NAV2: variants seen among roughly 807,000 people sequenced by gnomAD.
NAV2 encodes the protein helicase, APC down-regulated 1.
In NAV2, 54 loss-of-function variants were observed where a neutral mutation model predicts 223.2. The observed-to-expected ratio is 0.24, with a 90% CI of 0.19 to 0.30. The LOEUF (loss-of-function observed/expected upper bound fraction) is 0.30, where lower values mean the gene tolerates loss of function less well. Among genes scored for constraint, NAV2 ranks in the 10% least tolerant of loss-of-function variants. The probability of loss-of-function intolerance (pLI) is 1.00; values close to 1 mark genes in which losing one functional copy is unlikely to be tolerated. For missense variants in NAV2, 2,806 were observed against 3,147.5 expected, an observed-to-expected ratio of 0.89 and a Z score of 2.60; for synonymous variants, 1,279 against 1,239.3, an observed-to-expected ratio of 1.03 and a Z score of -0.67.
intron 1 of NAV2, among the ~76,000 whole-genome samples, chr11:19,526,292 C>T (rs996849908): frequency 6.6e-5 from 10 of 152,120 alleles, no homozygotes; most frequent in Admixed American, 4.6e-4. Flanking sequence ...TCAAAGAGGC[C>T]CCACAATGTT....
At chr11:19,519,590 A>T (rs1487181) in intron 1 of NAV2, among the ~76,000 whole-genome samples, 63,280 of 152,004 alleles carry the variant, frequency 0.42, 13,620 homozygotes, top group African/African-American at 0.51. Context: ...GCTGAATGAA[A>T]GAAGGAATGA....
chr11:20,113,197 C>G (rs1299717651), intron 36 of NAV2, among the ~76,000 whole-genome samples: 1 of 152,216 alleles, frequency 6.6e-6, no homozygotes, highest in Non-Finnish European at 1.5e-5. Flanking sequence ...GGCCTATTTC[C>G]TCATCTGTAA....
chr11:19,856,015 G>A (rs10833185), intron 3 of NAV2, among the ~76,000 whole-genome samples: 48,268 of 152,102 alleles, frequency 0.32, 7,772 homozygotes, highest in East Asian at 0.46. Context: ...TTCCTGATAT[G>A]TGGATATGTA....
chr11:19,728,265 C>A (rs904028270), intron 1 of NAV2, among the ~76,000 whole-genome samples: 25 of 152,186 alleles, frequency 1.6e-4, no homozygotes, highest in African/African-American at 5.8e-4. Context: ...TCTTTCTAGA[C>A]CCTCATTTAG....
rs1054015810 is a variant in NAV2 at position 19,843,885 on chromosome 11, T to C, written c.438+962T>C. Among the ~76,000 whole-genome samples the C allele has an allele frequency of 1.3e-5, 2 of 150,340 alleles. 1 individual carries two copies. The highest frequency in any genetic ancestry group is 3.0e-5 in the Non-Finnish European group (2 of 67,494). The stretch of plus-strand genomic sequence containing the variant: ...ATTGGCATTCCTTGGGCTTACTGTT[T>C]AGTTTTCTGAATTGTTATCCCAGTG... On this transcript the variant is annotated intron_variant, in intron 3 of 37. Coordinates refer to ENST00000349880, the MANE Select transcript of NAV2 (RefSeq NM_145117.5).
intron 1 of NAV2, among the ~76,000 whole-genome samples, chr11:19,418,146 C>G (rs1213997092): frequency 6.6e-6 from 1 of 152,146 alleles, no homozygotes; most frequent in Admixed American, 6.6e-5. Flanking sequence ...GGTGTCTTCT[C>G]TATGACTTTC....
intron 37 of NAV2, 130 bp from the exon 38 acceptor site, chr11:20,118,003 C>A: frequency 9.9e-7 from 1 of 1,009,302 alleles, no homozygotes; most frequent in Non-Finnish European, 1.5e-6. Context: ...AGTCCATGTT[C>A]TTGTCCACTG....
At chr11:19,650,707 G>A (rs2047946613) in intron 1 of NAV2, among the ~76,000 whole-genome samples, 1 of 152,182 alleles carries the variant, frequency 6.6e-6, no homozygotes, top group Admixed American at 6.5e-5. Flanking sequence ...TATGCAAATT[G>A]TGGTGTATTC....
intron 4 of NAV2, among the ~76,000 whole-genome samples, chr11:19,870,133 C>T (rs569945238): frequency 3.3e-5 from 5 of 152,236 alleles, no homozygotes; most frequent in South Asian, 2.1e-4. Context: ...TTCCAGAGTT[C>T]GCAGAAGCAG....
rs371125650 is a variant in NAV2, at chr11:19,911,275, C to G, written c.931+18681C>G. Reference sequence around the variant, plus strand: ...GTCTGGAAGGAGCATCCAATCCAATCTTGGAGGAGTCAGGAAGATATCCTG... The same window carrying G: ...GTCTGGAAGGAGCATCCAATCCAATGTTGGAGGAGTCAGGAAGATATCCTG... On this transcript the variant is annotated intron_variant, in intron 6 of 37. Transcript: ENST00000349880. Among the ~76,000 whole-genome samples the G allele has an allele frequency of 8.5e-5, 13 of 152,230 alleles. No individual in the cohort carries two copies. The East Asian group carries it at 2.1e-3, about 25-fold the overall frequency.
At chr11:19,718,616 C>T (rs182098522) in intron 1 of NAV2, among the ~76,000 whole-genome samples, 1 of 144,418 alleles carries the variant, frequency 6.9e-6, no homozygotes. Context: ...CATTTTTCTG[C>T]TATTGTGTTA....
chr11:19,575,228 G>T (rs1041522421), intron 1 of NAV2: 1 of 154,002 alleles, frequency 6.5e-6, no homozygotes. Flanking sequence ...AAATTAGAGG[G>T]GTTCTTAGCA....
At chr11:20,029,153 C>G (rs1206631037) in intron 11 of NAV2, among the ~76,000 whole-genome samples, 1 of 152,210 alleles carries the variant, frequency 6.6e-6, no homozygotes, top group Non-Finnish European at 1.5e-5. Context: ...TTTGTACCAA[C>G]TTTTCTCTGA....
At chr11:19,530,364 G>A (rs1244410158) in intron 1 of NAV2, among the ~76,000 whole-genome samples, 1 of 152,182 alleles carries the variant, frequency 6.6e-6, no homozygotes, top group Non-Finnish European at 1.5e-5. Flanking sequence ...CAGGTTAGAT[G>A]GTAATAATGC....
intron 31 of NAV2, among the ~76,000 whole-genome samples, chr11:20,098,894 G>A (rs572108077): frequency 6.6e-6 from 1 of 152,326 alleles, no homozygotes; most frequent in East Asian, 1.9e-4. Flanking sequence ...CCTCAGCTTT[G>A]CCCATCGGCT....
chr11:19,418,851 G>T (rs1850490818), intron 1 of NAV2, among the ~76,000 whole-genome samples: 1 of 152,112 alleles, frequency 6.6e-6, no homozygotes, highest in East Asian at 1.9e-4. Flanking sequence ...GACCGGTTAG[G>T]CTATAGTGGG....
At chr11:20,014,585 C>T (rs1591662993) in intron 11 of NAV2, among the ~76,000 whole-genome samples, 1 of 151,928 alleles carries the variant, frequency 6.6e-6, no homozygotes, top group African/African-American at 2.4e-5. Context: ...CAAGACCCTG[C>T]CTCTACAAAA....
At chr11:19,816,378 C>G (rs2059090762) in intron 1 of NAV2, among the ~76,000 whole-genome samples, 1 of 152,246 alleles carries the variant, frequency 6.6e-6, no homozygotes, top group Non-Finnish European at 1.5e-5. Flanking sequence ...GGTTCTGTGC[C>G]TCTCTGCCCA....
At chr11:19,983,235 C>T (rs977851293) in intron 10 of NAV2, among the ~76,000 whole-genome samples, 2 of 152,104 alleles carry the variant, frequency 1.3e-5, no homozygotes, top group Non-Finnish European at 2.9e-5. Flanking sequence ...ACTGAGCTAC[C>T]TCCTACTAGT....
Sources: gnomAD v4.1 joint callset for allele counts (sites outside exome capture counted in the v4.1 genomes callset) on GRCh38, gnomAD v4.1.1 for gene constraint, MANE v1.5 for transcripts, NCBI Gene and HGNC (gene_info 2026-07-23, HGNC 2026-07-21) for gene names.